Variants in XPNPEP3 observed in about 807,000 individuals in gnomAD.
XPNPEP3 encodes the protein X-prolyl aminopeptidase 3.
XPNPEP3 carries 41 observed loss-of-function variants against 60.0 expected under a neutral mutation model. The ratio of observed to expected loss-of-function variants is 0.68; its 90% CI spans 0.53 to 0.89. XPNPEP3 has a LOEUF of 0.89. XPNPEP3 is among the 40% of genes least tolerant of loss of function. The probability of loss-of-function intolerance (pLI) is 0.00; values close to 1 mark genes in which losing one functional copy is unlikely to be tolerated. For missense variants in XPNPEP3, 598 were observed against 638.9 expected, an observed-to-expected ratio of 0.94 and a Z score of 0.69; for synonymous variants, 212 against 223.2, an observed-to-expected ratio of 0.95 and a Z score of 0.45.
chr22:40,926,476 T>G lies in XPNPEP3; in HGVS notation c.*41T>G. On this transcript the variant is annotated 3_prime_UTR_variant, in exon 10 of 10. Coordinates refer to ENST00000357137, the MANE Select transcript of XPNPEP3 (RefSeq NM_022098.4). ...ACATGCACCTCAGGTTCAAAATGGG[T>G]GTCTTCTGGCAGCCCTGCACGTGTG... 2.5e-6 allele frequency: 4 copies of G among 1,611,952 alleles called. No homozygotes were observed. Among genetic ancestry groups the G allele is most frequent in the Non-Finnish European group, 2.5e-6 (3 of 1,178,646 alleles).
chr22:40,860,747 G>C (rs2057938661), intron 1 of XPNPEP3: 2 of 775,160 alleles, frequency 2.6e-6, no homozygotes, highest in Non-Finnish European at 4.0e-6. Context: ...ATGTCTTCCA[G>C]GCTCAAGCAG....
chr22:40,892,448 G>A (rs1295373646), intron 4 of XPNPEP3, among the ~76,000 whole-genome samples: 1 of 152,160 alleles, frequency 6.6e-6, no homozygotes. Context: ...GCCTCCCAAA[G>A]TGCTGGGATT....
chr22:40,921,071 C>T (rs1395696734), intron 7 of XPNPEP3, among the ~76,000 whole-genome samples: 3 of 152,144 alleles, frequency 2.0e-5, no homozygotes, highest in African/African-American at 7.2e-5. Context: ...GGATTACAGG[C>T]GTGAGCCACC....
In XPNPEP3 at chr22:40,931,339, T is replaced by G. The variant is rs2058253989; in HGVS notation, c.*4904T>G. ...GGATATCCAGTGTCACATACTTTTATGTATTTATTTCAGGAATTACTATTT... is the reference window on the plus strand; with the variant it reads ...GGATATCCAGTGTCACATACTTTTAGGTATTTATTTCAGGAATTACTATTT... On this transcript the variant is annotated 3_prime_UTR_variant, in exon 10 of 10. Coordinates refer to ENST00000357137, the MANE Select transcript of XPNPEP3 (RefSeq NM_022098.4). 1.3e-5 allele frequency: 2 copies of G among 152,370 alleles called. No homozygotes were observed. Among genetic ancestry groups the G allele is most frequent in the South Asian group, 2.1e-4 (1 of 4,828 alleles). The allele number at this position is 152,370 out of a possible 1,614,324, so 9.4% of individuals were successfully genotyped here.
rs188724585 is a variant in XPNPEP3, at chr22:40,891,264, A to T, written c.792+4749A>T. On this transcript the variant is annotated intron_variant, in intron 4 of 9. Transcript: ENST00000357137. ...AGTCCCAGCTACTTGGGAGGCTGACATGGGAAGATCACTTGAGCCCAGGAA... is the reference window on the plus strand; with the variant it reads ...AGTCCCAGCTACTTGGGAGGCTGACTTGGGAAGATCACTTGAGCCCAGGAA... Among the ~76,000 whole-genome samples the T allele has an allele frequency of 2.8e-3, 395 of 140,852 alleles. 11 individuals carry two copies. The highest frequency in any genetic ancestry group is 0.025 in the Admixed American group (363 of 14,238). The allele number at this position is 140,852 out of a possible 152,430, so 92.4% of individuals were successfully genotyped here. A position where few individuals can be genotyped will look rare whatever the true frequency, so the allele number is the denominator to read the frequency against.
At position 40,926,454 on chromosome 22, in the gene XPNPEP3, T is replaced by C. The variant is rs2058235155; in HGVS notation, c.*19T>C. On this transcript the variant is annotated 3_prime_UTR_variant, in exon 10 of 10. Coordinates refer to ENST00000357137, the MANE Select transcript of XPNPEP3 (RefSeq NM_022098.4). ...TTCTTGACCTTCACTGCGGCCCACA[T>C]GCACCTCAGGTTCAAAATGGGTGTC... 6.2e-7 allele frequency: 1 copy of C among 1,613,932 alleles called. No homozygotes were observed. The highest frequency in any genetic ancestry group is 1.1e-5 in the South Asian group (1 of 91,054).
At chr22:40,902,134 G>A (rs5758124) in intron 4 of XPNPEP3, among the ~76,000 whole-genome samples, 17,858 of 146,812 alleles carry the variant, frequency 0.12, 1,984 homozygotes, top group African/African-American at 0.3. Flanking sequence ...GTGTGGTGGC[G>A]TGATCTCGGC....
At chr22:40,925,761 T>C (rs919298209) in intron 9 of XPNPEP3, among the ~76,000 whole-genome samples, 1 of 152,246 alleles carries the variant, frequency 6.6e-6, no homozygotes, top group Non-Finnish European at 1.5e-5. Context: ...TTAAATCTTA[T>C]AATGACTGTC....
At chr22:40,907,471 C>A (rs2058160899) in intron 4 of XPNPEP3, 116 bp from the exon 5 acceptor site, 8 of 1,077,848 alleles carry the variant, frequency 7.4e-6, no homozygotes, top group East Asian at 2.4e-5. Context: ...GTCACAACTT[C>A]AGGCTGACGA....
chr22:40,862,028 G>C, intron 1 of XPNPEP3: 2 of 1,548,678 alleles, frequency 1.3e-6, no homozygotes, highest in Non-Finnish European at 1.7e-6. Flanking sequence ...GGTGTGCTGG[G>C]TATTGAGAAC....
At chr22:40,907,162 C>A (rs1208040367) in intron 4 of XPNPEP3, 2 of 457,244 alleles carry the variant, frequency 4.4e-6, no homozygotes, top group African/African-American at 2.0e-5. Flanking sequence ...TGGCTCACGC[C>A]TGTATTCCCA....
chr22:40,920,692 A>G (rs2058213111), intron 7 of XPNPEP3, among the ~76,000 whole-genome samples: 1 of 152,198 alleles, frequency 6.6e-6, no homozygotes, highest in Admixed American at 6.5e-5. Context: ...GCCTGATGCA[A>G]CTGTGTTCCT....
At chr22:40,861,476 G>A (rs747808399) in intron 1 of XPNPEP3, 1 of 1,614,060 alleles carries the variant, frequency 6.2e-7, no homozygotes. Flanking sequence ...CAAAAGCCAG[G>A]GAAGAGAAAG....
intron 1 of XPNPEP3, among the ~76,000 whole-genome samples, chr22:40,858,201 G>T (rs1329463125): frequency 6.6e-6 from 1 of 152,076 alleles, no homozygotes; most frequent in Non-Finnish European, 1.5e-5. Context: ...TGCCTCCTGA[G>T]TTCAAGCAAT....
Position 40,922,373 on chromosome 22 carries a change from G to C in XPNPEP3, c.1096G>C (p.Glu366Gln), listed in dbSNP as rs760452560. Residue 366 changes from glutamate to glutamine, a missense_variant, in exon 8 of 10, where the codon GAG (glutamate) becomes CAG (glutamine). Glu to Gln is a conservative substitution (Grantham distance 29, BLOSUM62 2). Transcript: ENST00000357137. The stretch of plus-strand genomic sequence containing the variant: ...GGCAGAACTCTATGAAGCCGTTCTA[G>C]AGATCCAAAGAGATTGTTTGGCCCT... ...PQAELYEAVL[E>Q]IQRDCLALCF... The C allele has an allele frequency of 1.2e-6, 2 of 1,613,692 alleles. No homozygotes were observed. The highest frequency in any genetic ancestry group is 2.7e-5 in the African/African-American group (2 of 74,884).
At chr22:40,894,083 G>A (rs2146259921) in intron 4 of XPNPEP3, among the ~76,000 whole-genome samples, 1 of 152,318 alleles carries the variant, frequency 6.6e-6, no homozygotes. Flanking sequence ...GAGGGCAGGA[G>A]GATCGCTTGA....
At chr22:40,863,629 A>C (rs2057963102) in intron 1 of XPNPEP3, among the ~76,000 whole-genome samples, 1 of 152,194 alleles carries the variant, frequency 6.6e-6, no homozygotes, top group African/African-American at 2.4e-5. Context: ...ACATGTACTT[A>C]TGTGTGGCTT....
intron 4 of XPNPEP3, 44 bp from the exon 5 acceptor site, chr22:40,907,543 A>G: frequency 6.3e-7 from 1 of 1,576,332 alleles, no homozygotes; most frequent in South Asian, 1.1e-5. Flanking sequence ...AGTAAGCAAC[A>G]TAGAATGAGA....
At chr22:40,873,869 A>G (rs1219710584) in intron 2 of XPNPEP3, among the ~76,000 whole-genome samples, 1 of 152,194 alleles carries the variant, frequency 6.6e-6, no homozygotes, top group Admixed American at 6.5e-5. Flanking sequence ...AGTGAATATA[A>G]TATTTAAAAT....
Sources: allele counts gnomAD v4.1 joint callset (sites outside exome capture counted in the v4.1 genomes callset), GRCh38; gene constraint gnomAD v4.1.1; transcripts MANE v1.5; gene names NCBI Gene and HGNC (gene_info 2026-07-23, HGNC 2026-07-21).